The following CFAP210 variants were observed in gnomAD, a reference collection of about 807,000 sequenced individuals.
CFAP210 encodes cilia and flagella associated protein 210, also known as cilia- and flagella- associated protein 210.
chr2:169,657,868 AC>A, the CFAP210 span, among the ~76,000 whole-genome samples: 1 of 152,206 alleles, frequency 6.6e-6, no homozygotes, highest in Non-Finnish European at 1.5e-5. Context: ...TGAATTCTGA[AC>A]CCAGAATTCT....
chr2:169,647,795 T>C, the CFAP210 span, among the ~76,000 whole-genome samples: 4 of 152,198 alleles, frequency 2.6e-5, no homozygotes, highest in Non-Finnish European at 5.9e-5. Context: ...CCAAATCATG[T>C]ATCTGATAAG....
At chr2:169,646,917 A>G in the CFAP210 span, among the ~76,000 whole-genome samples, 1 of 152,182 alleles carries the variant, frequency 6.6e-6, no homozygotes, top group Non-Finnish European at 1.5e-5. Context: ...ATTTTTTAAA[A>G]TAACAGTTAC....
At chr2:169,669,681 T>C in the CFAP210 span, among the ~76,000 whole-genome samples, 1 of 151,336 alleles carries the variant, frequency 6.6e-6, no homozygotes, top group Non-Finnish European at 1.5e-5. Context: ...AAAAACTGGT[T>C]GGATAAAGAT....
the CFAP210 span, among the ~76,000 whole-genome samples, chr2:169,693,754 A>C: frequency 6.6e-6 from 1 of 152,100 alleles, no homozygotes; most frequent in African/African-American, 2.4e-5. Flanking sequence ...TTAGAGAGAG[A>C]CCTTATATTT....
chr2:169,667,135 C>CTTT, the CFAP210 span, among the ~76,000 whole-genome samples: 5 of 120,278 alleles, frequency 4.2e-5, 1 homozygote, highest in African/African-American at 3.2e-5. Context: ...CACAAATTTT[C>CTTT]TTTTTTCTTT....
At chr2:169,653,525 C>T in the CFAP210 span, among the ~76,000 whole-genome samples, 1 of 151,972 alleles carries the variant, frequency 6.6e-6, no homozygotes, top group African/African-American at 2.4e-5. Context: ...CTACTCTTAC[C>T]TCTACACCCC....
chr2:169,664,118 A>C, the CFAP210 span, among the ~76,000 whole-genome samples: 5 of 152,012 alleles, frequency 3.3e-5, no homozygotes, highest in Non-Finnish European at 5.9e-5. Context: ...AAATTGCTTG[A>C]ACCTGGGTGG....
chr2:169,668,764 C>T, the CFAP210 span, among the ~76,000 whole-genome samples: 4 of 152,214 alleles, frequency 2.6e-5, no homozygotes, highest in East Asian at 3.9e-4. Flanking sequence ...GGGTACAGTT[C>T]GTGGCACCCC....
chr2:169,672,470 G>A, the CFAP210 span, among the ~76,000 whole-genome samples: 5 of 152,242 alleles, frequency 3.3e-5, no homozygotes, highest in South Asian at 2.1e-4. Context: ...GTGTTCAGTC[G>A]GAGTCCAAAA....
the CFAP210 span, among the ~76,000 whole-genome samples, chr2:169,664,100 G>C: frequency 6.6e-6 from 1 of 151,854 alleles, no homozygotes; most frequent in Non-Finnish European, 1.5e-5. Context: ...TTGGGAGGCT[G>C]AGGCAGGAAA....
the CFAP210 span, among the ~76,000 whole-genome samples, chr2:169,692,444 G>A: frequency 2.2e-4 from 32 of 143,778 alleles, no homozygotes; most frequent in African/African-American, 5.4e-4. Flanking sequence ...ACAGGCGCAC[G>A]CACACACACA....
the CFAP210 span, chr2:169,649,345 A>G: frequency 6.2e-7 from 1 of 1,607,910 alleles, no homozygotes; most frequent in South Asian, 1.1e-5. Flanking sequence ...TTTATTTTTC[A>G]TCTAGATGTT....
At chr2:169,686,822 C>G in the CFAP210 span, among the ~76,000 whole-genome samples, 1 of 152,144 alleles carries the variant, frequency 6.6e-6, no homozygotes, top group African/African-American at 2.4e-5. Flanking sequence ...TTCAAACCAT[C>G]TTAACAATAC....
chr2:169,652,199 T>C, the CFAP210 span, among the ~76,000 whole-genome samples: 1 of 152,034 alleles, frequency 6.6e-6, no homozygotes, highest in African/African-American at 2.4e-5. Flanking sequence ...TCCAAGGAAA[T>C]TACAATTTAA....
At chr2:169,675,552 T>C in the CFAP210 span, among the ~76,000 whole-genome samples, 1 of 152,186 alleles carries the variant, frequency 6.6e-6, no homozygotes, top group Non-Finnish European at 1.5e-5. Flanking sequence ...ACACAGTCAC[T>C]ATTTCGAGGA....
chr2:169,686,436 T>C, the CFAP210 span, among the ~76,000 whole-genome samples: 1 of 152,184 alleles, frequency 6.6e-6, no homozygotes, highest in Non-Finnish European at 1.5e-5. Context: ...TATAACAGAA[T>C]ACCTGAAACT....
At chr2:169,686,242 T>G in the CFAP210 span, among the ~76,000 whole-genome samples, 1 of 152,232 alleles carries the variant, frequency 6.6e-6, no homozygotes, top group Non-Finnish European at 1.5e-5. Context: ...CTCCTACTTA[T>G]TAATATTTCT....
the CFAP210 span, among the ~76,000 whole-genome samples, chr2:169,679,661 A>G: frequency 7.0e-6 from 1 of 142,550 alleles, no homozygotes; most frequent in African/African-American, 2.7e-5. Flanking sequence ...AGCCTGGGTG[A>G]CAGAACGAGA....
chr2:169,647,255 G>A, the CFAP210 span, among the ~76,000 whole-genome samples: 1 of 152,058 alleles, frequency 6.6e-6, no homozygotes, highest in Admixed American at 6.6e-5. Flanking sequence ...AACTTAATAA[G>A]CAGCAATTTG....
Sources: gnomAD v4.1 joint callset for allele counts (sites outside exome capture counted in the v4.1 genomes callset) on GRCh38, gnomAD v4.1.1 for gene constraint, MANE v1.5 for transcripts, NCBI Gene and HGNC (gene_info 2026-07-23, HGNC 2026-07-21) for gene names.